The following SACM1L variants were observed in gnomAD, a reference collection of about 807,000 sequenced individuals.
SACM1L encodes the protein phosphatidylinositol-3-phosphatase SAC1.
In SACM1L, 32 loss-of-function variants were observed where a neutral mutation model predicts 89.5. The ratio of observed to expected loss-of-function variants is 0.36; its 90% CI spans 0.27 to 0.48. The LOEUF (loss-of-function observed/expected upper bound fraction) is 0.48, where lower values mean the gene tolerates loss of function less well. Among genes scored for constraint, SACM1L ranks in the 20% least tolerant of loss-of-function variants. The pLI, the probability that SACM1L is intolerant of heterozygous loss-of-function variation, is 0.99. For synonymous variants in SACM1L, 213 were observed against 232.8 expected, an observed-to-expected ratio of 0.92 and a Z score of 0.77; for missense variants, 543 against 708.5, an observed-to-expected ratio of 0.77 and a Z score of 2.65.
chr3:45,699,123 A>G (rs1698200170), intron 1 of SACM1L, among the ~76,000 whole-genome samples: 1 of 152,176 alleles, frequency 6.6e-6, no homozygotes, highest in South Asian at 2.1e-4. Flanking sequence ...TATACGGTTT[A>G]AAAGTAAGTA....
Position 45,706,861 on chromosome 3 carries a change from A to T in SACM1L, c.287A>T (p.Asp96Val). ...GTAGTCTGGAAAGCAACAGATTTTGATGTCCTTTCTTATAAGAAGACAATG... is the reference window on the plus strand; with the variant it reads ...GTAGTCTGGAAAGCAACAGATTTTGTTGTCCTTTCTTATAAGAAGACAATG... Reference protein sequence around the residue: ...SHVVWKATDFDVLSYKKTMLH... With the variant: ...SHVVWKATDFVVLSYKKTMLH... Residue 96 changes from aspartate to valine, a missense_variant, in exon 4 of 20, where the codon GAT becomes GTT. Physicochemically the swap from Asp to Val is radical, Grantham distance 152. Coordinates refer to ENST00000389061, the MANE Select transcript of SACM1L (RefSeq NM_014016.5). 6.2e-7 allele frequency: 1 copy of T among 1,613,342 alleles called. No individual in the cohort carries two copies. The highest frequency in any genetic ancestry group is 8.5e-7 in the Non-Finnish European group (1 of 1,179,508).
intron 7 of SACM1L, among the ~76,000 whole-genome samples, chr3:45,717,503 A>C (rs1698688525): frequency 6.6e-6 from 1 of 152,218 alleles, no homozygotes; most frequent in South Asian, 2.1e-4. Context: ...ATAGGGAAGG[A>C]GCAGATAAAT....
Position 45,719,556 on chromosome 3 carries a change from T to C in SACM1L, c.634T>C (p.Ser212Pro). 6.2e-7 allele frequency: 1 copy of C among 1,612,798 alleles called. No individual in the cohort carries two copies. Among genetic ancestry groups the C allele is most frequent in the Non-Finnish European group, 8.5e-7 (1 of 1,179,378 alleles). The change falls in exon 8 of 20, where the codon TCG (serine) becomes CCG (proline). Residue 212 changes from serine to proline, a missense_variant. This residue lies in a region of SACM1L where 370 missense variants were observed against 527.6 expected (regional missense o/e 0.70). Coordinates refer to ENST00000389061, the MANE Select transcript of SACM1L (RefSeq NM_014016.5). ...AAAATACTTTGATTGGATTCTCATCTCGAGGAGGAGCTGTTTCAGAGCTGG... is the reference window on the plus strand; with the variant it reads ...AAAATACTTTGATTGGATTCTCATCCCGAGGAGGAGCTGTTTCAGAGCTGG... ...NGKYFDWILI[S>P]RRSCFRAGVR...
At chr3:45,692,123 A>G (rs1329759437) in intron 1 of SACM1L, among the ~76,000 whole-genome samples, 1 of 152,016 alleles carries the variant, frequency 6.6e-6, no homozygotes, top group Admixed American at 6.5e-5. Flanking sequence ...TGTTCTCTTT[A>G]CATACTGGTC....
chr3:45,728,874 A>G (rs772401195), intron 11 of SACM1L, among the ~76,000 whole-genome samples: 4 of 151,872 alleles, frequency 2.6e-5, no homozygotes, highest in Non-Finnish European at 4.4e-5. Flanking sequence ...GGGTCTCACT[A>G]TATTGCCCAG....
intron 1 of SACM1L, among the ~76,000 whole-genome samples, chr3:45,695,732 G>A (rs1267045673): frequency 6.6e-6 from 1 of 152,100 alleles, no homozygotes; most frequent in African/African-American, 2.4e-5. Flanking sequence ...GGGGCAATAA[G>A]CACATTCATG....
At chr3:45,717,268 C>T (rs78663070) in intron 7 of SACM1L, among the ~76,000 whole-genome samples, 126 of 152,334 alleles carry the variant, frequency 8.3e-4, no homozygotes, top group Non-Finnish European at 1.6e-3. Flanking sequence ...ATACCCAATA[C>T]ATTCATACCA....
rs768623072 is a variant in SACM1L, at chr3:45,744,106, A to G, written c.*437A>G. 1 of 153,610 alleles carries G rather than the reference A, an allele frequency of 6.5e-6. No homozygotes were observed. Among genetic ancestry groups the G allele is most frequent in the Non-Finnish European group, 1.4e-5 (1 of 68,978 alleles). 9.5% of individuals were successfully genotyped at this position (153,610 alleles called of 1,614,324 possible). On this transcript the variant is annotated 3_prime_UTR_variant, in exon 20 of 20. Coordinates refer to ENST00000389061, the MANE Select transcript of SACM1L (RefSeq NM_014016.5). ...TCACTATTAGCAGGCATACTTTTCC[A>G]CACATCTTTGGACTTTTCTTAAAAG...
chr3:45,689,789 C>G, intron 1 of SACM1L: 1 of 567,218 alleles, frequency 1.8e-6, no homozygotes, highest in Non-Finnish European at 3.1e-6. Flanking sequence ...TATGATGCGG[C>G]CCTTCAGGGC....
intron 4 of SACM1L, among the ~76,000 whole-genome samples, chr3:45,707,954 GC>G (rs1461445358): frequency 6.6e-6 from 1 of 151,632 alleles, no homozygotes; most frequent in African/African-American, 2.4e-5. Context: ...ATTATAGTGT[GC>G]TAAATATTAG....
At chr3:45,703,052 T>C (rs1453356405) in intron 1 of SACM1L, among the ~76,000 whole-genome samples, 1 of 152,210 alleles carries the variant, frequency 6.6e-6, no homozygotes, top group Non-Finnish European at 1.5e-5. Context: ...TTATCGTTAT[T>C]TTACAGAAAG....
At chr3:45,719,860 C>T (rs1361704541) in intron 8 of SACM1L, among the ~76,000 whole-genome samples, 2 of 152,046 alleles carry the variant, frequency 1.3e-5, no homozygotes, top group African/African-American at 2.4e-5. Context: ...GCTGGATGTC[C>T]GAAAGCACAG....
intron 9 of SACM1L, 129 bp downstream of exon 9, chr3:45,722,214 G>T (rs1416032030): frequency 1.6e-6 from 1 of 615,416 alleles, no homozygotes. Flanking sequence ...CTATGGTGCA[G>T]AAAAAGTTCA....
At chr3:45,733,429 G>A (rs528997978) in intron 13 of SACM1L, among the ~76,000 whole-genome samples, 1 of 152,218 alleles carries the variant, frequency 6.6e-6, no homozygotes, top group South Asian at 2.1e-4. Context: ...TAGTTTAAGC[G>A]ATAATGTTTA....
chr3:45,722,775 G>T, intron 9 of SACM1L, 94 bp from the exon 10 acceptor site: 1 of 829,296 alleles, frequency 1.2e-6, no homozygotes, highest in Non-Finnish European at 1.9e-6. Context: ...TTTTTCCCTT[G>T]CATATTCATT....
intron 1 of SACM1L, among the ~76,000 whole-genome samples, chr3:45,697,059 A>G (rs1048033948): frequency 6.6e-6 from 1 of 152,098 alleles, no homozygotes; most frequent in Non-Finnish European, 1.5e-5. Context: ...CAAAATAATT[A>G]AAAGTAAGGT....
chr3:45,707,961 ATTAG>A (rs1327654049), intron 4 of SACM1L, among the ~76,000 whole-genome samples: 8 of 152,166 alleles, frequency 5.3e-5, no homozygotes, highest in African/African-American at 1.9e-4. Context: ...TGTGCTAAAT[ATTAG>A]TTTTACAATT....
At chr3:45,701,244 G>C (rs1259042254) in intron 1 of SACM1L, among the ~76,000 whole-genome samples, 15 of 151,942 alleles carry the variant, frequency 9.9e-5, no homozygotes, top group Admixed American at 9.8e-4. Flanking sequence ...TGTAGTAATA[G>C]AGTATGGTGA....
chr3:45,728,189 A>G (rs1698968505), intron 11 of SACM1L, among the ~76,000 whole-genome samples: 1 of 152,166 alleles, frequency 6.6e-6, no homozygotes, highest in African/African-American at 2.4e-5. Flanking sequence ...TAGGTCTAAC[A>G]TGAATCTCTT....
Sources: allele counts gnomAD v4.1 joint callset (sites outside exome capture counted in the v4.1 genomes callset), GRCh38; gene constraint gnomAD v4.1.1; regional missense constraint gnomAD v4.1.1; transcripts MANE v1.5; gene names NCBI Gene and HGNC (gene_info 2026-07-23, HGNC 2026-07-21).